The following USH2A variants were observed in gnomAD, a reference collection of about 807,000 sequenced individuals.
The protein encoded by USH2A is usherin.
In USH2A, 443 loss-of-function variants were observed where a neutral mutation model predicts 538.9. That is an observed-to-expected ratio of 0.82 (90% CI 0.76 to 0.89). USH2A has a LOEUF of 0.89. USH2A is among the 40% of genes least tolerant of loss of function. USH2A has a pLI of 0.00. For missense variants in USH2A, 6,633 were observed against 6,324.8 expected (o/e 1.05, Z -1.65); for synonymous variants, 2,413 against 2,273.5 (o/e 1.06, Z -1.75).
chr1:216,279,893 T>C (rs1027081636), intron 11 of USH2A, among the ~76,000 whole-genome samples: 2 of 151,994 alleles, frequency 1.3e-5, no homozygotes, highest in Non-Finnish European at 2.9e-5. Context: ...CACCATCACC[T>C]GTGGAGGTGG....
intron 3 of USH2A, among the ~76,000 whole-genome samples, chr1:216,386,128 T>C (rs2038999390): frequency 6.6e-6 from 1 of 152,192 alleles, no homozygotes; most frequent in Admixed American, 6.5e-5. Context: ...GTACATAGTG[T>C]TCTACTAGTG....
At chr1:216,351,850 A>T (rs1019589369) in intron 4 of USH2A, among the ~76,000 whole-genome samples, 1 of 151,600 alleles carries the variant, frequency 6.6e-6, no homozygotes, top group South Asian at 2.1e-4. Flanking sequence ...AAAAAAAAAA[A>T]TGTTGAACAT....
chr1:216,343,075 C>T (rs1361735010), intron 4 of USH2A, among the ~76,000 whole-genome samples: 4 of 151,976 alleles, frequency 2.6e-5, no homozygotes, highest in Non-Finnish European at 4.4e-5. Flanking sequence ...TTAAGACTAG[C>T]TGTGTCCTTG....
At chr1:216,053,619 C>A (rs1419823124) in intron 30 of USH2A, among the ~76,000 whole-genome samples, 1 of 152,090 alleles carries the variant, frequency 6.6e-6, no homozygotes. Flanking sequence ...GCTGAAGAAA[C>A]ATTCAATAAG....
At position 215,994,807 on chromosome 1, in the gene USH2A, G is replaced by C. The variant is rs140484527; in HGVS notation, c.6658-1640C>G. On this transcript the variant is annotated intron_variant, in intron 34 of 71. Coordinates refer to ENST00000307340, the MANE Select transcript of USH2A (RefSeq NM_206933.4). ...AAATAATTGCCCAACGATTAAAATA[G>C]AAAAAAAGTTGAAGACCCCAGACAT... Among the ~76,000 whole-genome samples, 518 of 151,994 alleles carry C rather than the reference G, an allele frequency of 3.4e-3. 2 individuals are homozygous for C. The highest frequency in any genetic ancestry group is 0.012 in the African/African-American group (482 of 41,474).
chr1:215,850,456 C>G (rs958835357), intron 44 of USH2A, among the ~76,000 whole-genome samples: 2 of 152,048 alleles, frequency 1.3e-5, no homozygotes, highest in Non-Finnish European at 2.9e-5. Context: ...TGTGAAGGAG[C>G]AATTGGCCGT....
At chr1:215,683,664 G>A (rs775619866) in intron 61 of USH2A, among the ~76,000 whole-genome samples, 5 of 152,160 alleles carry the variant, frequency 3.3e-5, no homozygotes, top group Admixed American at 1.3e-4. Context: ...CACTAAAGAC[G>A]ATTTTCCTTC....
intron 58 of USH2A, among the ~76,000 whole-genome samples, chr1:215,747,864 G>GTTTTT (rs887299193): frequency 4.1e-5 from 6 of 147,410 alleles, no homozygotes; most frequent in African/African-American, 1.2e-4. Flanking sequence ...CAGGTTTTTT[G>GTTTTT]TTTTTTTTTG....
At chr1:215,680,059 GT>G (rs1658173276) in intron 62 of USH2A, 89 bp downstream of exon 62, 2 of 1,343,568 alleles carry the variant, frequency 1.5e-6, no homozygotes, top group Non-Finnish European at 2.1e-6. Context: ...TGTGAAGGGA[GT>G]TTTCCCACAG....
At chr1:216,327,536 G>T in intron 5 of USH2A, 55 bp downstream of exon 5, 1 of 1,584,608 alleles carries the variant, frequency 6.3e-7, no homozygotes, top group South Asian at 1.1e-5. Flanking sequence ...TTATTTAAGT[G>T]AATTCAGCAT....
In USH2A at chr1:216,217,253, T is replaced by C. The variant is rs934877505; in HGVS notation, c.3157+134A>G. 5.6e-6 allele frequency: 6 copies of C among 1,077,400 alleles called. No homozygotes were observed. In the East Asian group the frequency reaches 1.3e-4, roughly 23 times the overall value. The allele number at this position is 1,077,400 out of a possible 1,614,324, so 66.7% of individuals were successfully genotyped here. ...ACATATTTCATTCAGTGTATTTTTT[T>C]CCATCTCTTACCTACGTTCTTCACA... On this transcript the variant is annotated intron_variant, in intron 15 of 71. Coordinates refer to ENST00000307340, the MANE Select transcript of USH2A (RefSeq NM_206933.4).
At chr1:215,934,571 G>A (rs563023106) in intron 38 of USH2A, 45 bp downstream of exon 38, 8 of 1,583,020 alleles carry the variant, frequency 5.1e-6, no homozygotes, top group Middle Eastern at 1.7e-4. Context: ...CTTAATTCTA[G>A]GGCATTTATA....
intron 16 of USH2A, among the ~76,000 whole-genome samples, chr1:216,200,928 G>A (rs539189768): frequency 1.9e-4 from 29 of 150,334 alleles, no homozygotes; most frequent in Admixed American, 1.7e-3. Context: ...CAATATGAAG[G>A]TCCCAGCATA....
intron 69 of USH2A, among the ~76,000 whole-genome samples, chr1:215,638,713 T>G (rs2102634098): frequency 6.6e-6 from 1 of 151,612 alleles, no homozygotes; most frequent in South Asian, 2.1e-4. Flanking sequence ...GCACAGTGGC[T>G]CATGCCTGTA....
intron 64 of USH2A, among the ~76,000 whole-genome samples, chr1:215,658,442 A>T (rs1657334567): frequency 6.6e-6 from 1 of 152,116 alleles, no homozygotes; most frequent in Admixed American, 6.6e-5. Flanking sequence ...TATTATCCCC[A>T]CTTTACACAT....
intron 32 of USH2A, among the ~76,000 whole-genome samples, chr1:216,010,057 G>A (rs946333873): frequency 5.9e-5 from 9 of 151,992 alleles, no homozygotes; most frequent in East Asian, 1.9e-4. Context: ...ATCTGCTCCC[G>A]ACATTAAATA....
chr1:215,671,338 T>C (rs1321704673), intron 63 of USH2A, 45 bp from the exon 64 acceptor site: 1 of 1,596,490 alleles, frequency 6.3e-7, no homozygotes, highest in Admixed American at 1.7e-5. Context: ...GCAAAATAGA[T>C]TTTCATGGGA....
chr1:216,082,321 T>G (rs540939387), intron 26 of USH2A, among the ~76,000 whole-genome samples: 95 of 152,208 alleles, frequency 6.2e-4, no homozygotes, highest in African/African-American at 2.2e-3. Context: ...TTCATAGACA[T>G]TACGTTTCAG....
intron 61 of USH2A, among the ~76,000 whole-genome samples, chr1:215,713,339 G>A (rs546349170): frequency 6.6e-6 from 1 of 152,292 alleles, no homozygotes; most frequent in Admixed American, 6.5e-5. Context: ...CATACAATGA[G>A]TAAAAAAGCC....
Sources: allele counts gnomAD v4.1 joint callset (sites outside exome capture counted in the v4.1 genomes callset), GRCh38; gene constraint gnomAD v4.1.1; transcripts MANE v1.5; gene names NCBI Gene and HGNC (gene_info 2026-07-23, HGNC 2026-07-21).